Variants in KIAA1217 observed in about 807,000 individuals in gnomAD.
KIAA1217 encodes sickle tail protein homolog.
KIAA1217 carries 88 observed loss-of-function variants against 163.9 expected under a neutral mutation model. That is an observed-to-expected ratio of 0.54 (90% CI 0.45 to 0.64). The LOEUF is 0.64. Ranked by LOEUF, KIAA1217 falls within the 30% of genes least tolerant of loss-of-function variation. KIAA1217 has a pLI of 0.00. For synonymous variants in KIAA1217, 903 were observed against 923.1 expected (o/e 0.98, Z 0.39); for missense variants, 2,372 against 2,475.0 (o/e 0.96, Z 0.88).
chr10:23,883,179 C>T (rs9299784), intron 1 of KIAA1217, among the ~76,000 whole-genome samples: 28,980 of 151,760 alleles, frequency 0.19, 2,868 homozygotes, highest in Middle Eastern at 0.22. Flanking sequence ...ATCTTTGAAC[C>T]GAGTGAAATT....
At chr10:23,970,781 T>G (rs1845280785) in intron 1 of KIAA1217, among the ~76,000 whole-genome samples, 1 of 152,060 alleles carries the variant, frequency 6.6e-6, no homozygotes, top group African/African-American at 2.4e-5. Context: ...CCTAAAACAC[T>G]AGTTCAGGCC....
intron 1 of KIAA1217, among the ~76,000 whole-genome samples, chr10:23,987,096 G>A (rs1054589134): frequency 6.6e-6 from 1 of 151,986 alleles, no homozygotes; most frequent in African/African-American, 2.4e-5. Flanking sequence ...CGTAAAAAAG[G>A]GCCAGGCGTG....
intron 19 of KIAA1217, among the ~76,000 whole-genome samples, chr10:24,544,726 C>T (rs74566876): frequency 5.3e-5 from 8 of 152,238 alleles, no homozygotes; most frequent in East Asian, 1.9e-4. Flanking sequence ...TGGGTAAACA[C>T]GAGGCTGCTG....
chr10:23,982,528 T>TG (rs1845810027), intron 1 of KIAA1217, among the ~76,000 whole-genome samples: 1 of 139,450 alleles, frequency 7.2e-6, no homozygotes, highest in South Asian at 2.4e-4. Flanking sequence ...CTGTTTTTTG[T>TG]TTCTCTCTCT....
chr10:24,109,082 C>T (rs1176549009), intron 2 of KIAA1217, among the ~76,000 whole-genome samples: 1 of 152,146 alleles, frequency 6.6e-6, no homozygotes, highest in Admixed American at 6.6e-5. Context: ...TCCAACGCCT[C>T]AGGCTCCCAA....
intron 1 of KIAA1217, among the ~76,000 whole-genome samples, chr10:23,979,380 T>C (rs1183743595): frequency 6.6e-6 from 1 of 152,106 alleles, no homozygotes; most frequent in Admixed American, 6.5e-5. Context: ...CTAGGAGAAT[T>C]TATATTTTAA....
intron 1 of KIAA1217, among the ~76,000 whole-genome samples, chr10:23,893,833 A>G (rs1169832379): frequency 6.6e-6 from 1 of 152,118 alleles, no homozygotes; most frequent in African/African-American, 2.4e-5. Flanking sequence ...GGCTGGTTCA[A>G]TATACGCAAA....
At chr10:24,483,733 A>G (rs2064995076) in intron 6 of KIAA1217, among the ~76,000 whole-genome samples, 1 of 152,182 alleles carries the variant, frequency 6.6e-6, no homozygotes, top group South Asian at 2.1e-4. Flanking sequence ...GGCCCATAAC[A>G]TGAAGCAACT....
At chr10:23,914,872 G>A (rs116484892) in intron 1 of KIAA1217, among the ~76,000 whole-genome samples, 2,275 of 152,282 alleles carry the variant, frequency 0.015, 62 homozygotes, top group African/African-American at 0.049. Context: ...TGCCTGTGGA[G>A]CAGGACTGTG....
At chr10:24,318,458 A>G (rs1210079729) in intron 2 of KIAA1217, among the ~76,000 whole-genome samples, 1 of 151,866 alleles carries the variant, frequency 6.6e-6, no homozygotes. Context: ...TGCAGCATCA[A>G]CTCTACCTTA....
intron 2 of KIAA1217, among the ~76,000 whole-genome samples, chr10:24,182,718 TGA>T (rs2066239143): frequency 6.6e-6 from 1 of 152,164 alleles, no homozygotes; most frequent in African/African-American, 2.4e-5. Context: ...CTTGAGGATA[TGA>T]GAGAACTCCC....
chr10:24,473,872 C>T lies in KIAA1217; in HGVS notation c.1491C>T (p.His497=). 1 of 1,614,182 alleles carries T rather than the reference C, an allele frequency of 6.2e-7. No individual in the cohort carries two copies. Among genetic ancestry groups the T allele is most frequent in the Middle Eastern group, 1.6e-4 (1 of 6,062 alleles). ...HAHYNAHGPP[H]TMQPDRASPS... ...ACTATAATGCCCACGGCCCCCCTCA[C>T]ACCATGCAGCCAGACCGGGCCTCTC... The change falls in exon 6 of 21, where the codon CAC becomes CAT. Residue 497 remains histidine (H), a synonymous_variant. Coordinates refer to ENST00000376454, the MANE Select transcript of KIAA1217 (RefSeq NM_019590.5).
rs186732173 is a variant in KIAA1217, at chr10:24,139,551, T to C, written c.-170-80075T>C. 7.2e-5 allele frequency among the ~76,000 whole-genome samples: 11 copies of C among 152,326 alleles called. No individual in the cohort carries two copies. The East Asian group carries it at 1.9e-3, about 27-fold the overall frequency. On this transcript the variant is annotated intron_variant, in intron 2 of 18. Coordinates refer to the KIAA1217 transcript ENST00000376462. ...TTTCAATCATGTTTTCAATTGATCA[T>C]CTTTGAGTAAGGGCACAAGTTTGAT... is the stretch of plus-strand genomic sequence containing the variant.
At chr10:23,995,542 G>A (rs1364602899) in intron 1 of KIAA1217, among the ~76,000 whole-genome samples, 3 of 151,918 alleles carry the variant, frequency 2.0e-5, no homozygotes, top group African/African-American at 7.3e-5. Flanking sequence ...TCATTATTAA[G>A]AGAGCATTTT....
intron 6 of KIAA1217, among the ~76,000 whole-genome samples, chr10:24,489,124 G>A (rs1205331678): frequency 2.6e-5 from 4 of 152,060 alleles, no homozygotes; most frequent in Non-Finnish European, 4.4e-5. Flanking sequence ...CACCTAGTAG[G>A]GACTCTCAGA....
chr10:24,139,643 A>G (rs2063972146), intron 2 of KIAA1217, among the ~76,000 whole-genome samples: 1 of 152,114 alleles, frequency 6.6e-6, no homozygotes. Flanking sequence ...AACTTACATA[A>G]TTTATTTTGG....
At chr10:23,957,928 T>A (rs538181142) in intron 1 of KIAA1217, among the ~76,000 whole-genome samples, 1 of 152,218 alleles carries the variant, frequency 6.6e-6, no homozygotes, top group Non-Finnish European at 1.5e-5. Flanking sequence ...GACTGCTGTG[T>A]CCTCAGCACC....
intron 1 of KIAA1217, among the ~76,000 whole-genome samples, chr10:23,775,674 T>C (rs558054606): frequency 6.6e-6 from 1 of 152,346 alleles, no homozygotes; most frequent in Admixed American, 6.5e-5. Flanking sequence ...ATTCAAGATA[T>C]GAAACTTCAC....
At chr10:24,447,916 G>C (rs2132208882) in intron 5 of KIAA1217, among the ~76,000 whole-genome samples, 1 of 152,204 alleles carries the variant, frequency 6.6e-6, no homozygotes, top group Middle Eastern at 3.4e-3. Context: ...CAGATCACGA[G>C]GTCAAGAGAT....
Sources: gnomAD v4.1 joint callset for allele counts (sites outside exome capture counted in the v4.1 genomes callset) on GRCh38, gnomAD v4.1.1 for gene constraint, MANE v1.5 for transcripts, NCBI Gene and HGNC (gene_info 2026-07-23, HGNC 2026-07-21) for gene names.